Variants in TSPAN12 observed in about 807,000 individuals in gnomAD.
TSPAN12 encodes tetraspanin 12.
Under a neutral mutation model 39.2 loss-of-function variants are expected in TSPAN12, and 19 were observed. The observed-to-expected ratio is 0.49, with a 90% confidence interval of 0.34 to 0.71. TSPAN12 has a LOEUF of 0.71. Among genes scored for constraint, TSPAN12 ranks in the 30% least tolerant of loss-of-function variants. The pLI, the probability that TSPAN12 is intolerant of heterozygous loss-of-function variation, is 0.01. For synonymous variants in TSPAN12, 119 were observed against 124.8 expected, an observed-to-expected ratio of 0.95 and a Z score of 0.31; for missense variants, 314 against 359.9, an observed-to-expected ratio of 0.87 and a Z score of 1.03.
intron 4 of TSPAN12, among the ~76,000 whole-genome samples, chr7:120,836,515 T>C (rs771991047): frequency 6.6e-6 from 1 of 152,200 alleles, no homozygotes; most frequent in East Asian, 1.9e-4. Flanking sequence ...AATCAATCTA[T>C]GCTCATCATC....
chr7:120,811,760 A>G (rs1294579516), intron 5 of TSPAN12, among the ~76,000 whole-genome samples: 1 of 152,164 alleles, frequency 6.6e-6, no homozygotes, highest in Non-Finnish European at 1.5e-5. Flanking sequence ...AGCAACCTGG[A>G]TGGAATTGCA....
chr7:120,833,614 A>G (rs188427614), intron 4 of TSPAN12, among the ~76,000 whole-genome samples: 10 of 152,290 alleles, frequency 6.6e-5, no homozygotes, highest in Non-Finnish European at 1.2e-4. Flanking sequence ...AAAATGATTC[A>G]TTTGTATTAA....
At chr7:120,832,867 C>A (rs1333438394) in intron 4 of TSPAN12, among the ~76,000 whole-genome samples, 2 of 151,942 alleles carry the variant, frequency 1.3e-5, no homozygotes, top group African/African-American at 4.8e-5. Flanking sequence ...ATAAGCATAC[C>A]AAAAGACCAT....
intron 7 of TSPAN12, among the ~76,000 whole-genome samples, chr7:120,805,387 G>C (rs1189538252): frequency 6.6e-6 from 1 of 152,148 alleles, no homozygotes; most frequent in South Asian, 2.1e-4. Context: ...TTGAATGGTA[G>C]TATTCTTAGG....
intron 2 of TSPAN12, among the ~76,000 whole-genome samples, chr7:120,853,825 G>A (rs950075525): frequency 1.5e-4 from 22 of 147,896 alleles, no homozygotes; most frequent in Non-Finnish European, 3.1e-4. Flanking sequence ...AGTGAGCTGA[G>A]ATTGCGCCAC....
chr7:120,830,149 T>TG lies in TSPAN12; in HGVS notation c.285+8627dup, dbSNP rs536968675. On this transcript the variant is annotated intron_variant, in intron 4 of 7. Transcript: ENST00000222747. The stretch of plus-strand genomic sequence containing the variant: ...AAATACTGATGAAAGAAATTGAAGA[T>TG]GACACAAACAAATAGAAAGATATCC... Among the ~76,000 whole-genome samples the TG allele has an allele frequency of 1.5e-3, 223 of 152,116 alleles. 13 individuals are homozygous for TG. In the South Asian group the frequency reaches 0.045, roughly 31 times the overall value.
In TSPAN12 at chr7:120,808,235, C is replaced by G. The variant is rs559974800; in HGVS notation, c.469-1543G>C. 1.2e-4 allele frequency among the ~76,000 whole-genome samples: 19 copies of G among 152,240 alleles called. No individual in the cohort carries two copies. The South Asian group carries it at 3.9e-3, about 32-fold the overall frequency. On this transcript the variant is annotated intron_variant, in intron 6 of 7. Transcript: ENST00000222747. The stretch of plus-strand genomic sequence containing the variant: ...AGATATTCTACATAAATGACTTTCT[C>G]AAATATAAGTATATAATGTTCTTTC...
intron 3 of TSPAN12, among the ~76,000 whole-genome samples, chr7:120,839,405 G>A (rs1371837768): frequency 6.6e-6 from 1 of 152,132 alleles, no homozygotes; most frequent in Non-Finnish European, 1.5e-5. Flanking sequence ...GGAATAGGTA[G>A]AAATGATTTT....
intron 4 of TSPAN12, among the ~76,000 whole-genome samples, chr7:120,822,940 T>C (rs1388979019): frequency 6.6e-6 from 1 of 152,168 alleles, no homozygotes; most frequent in Non-Finnish European, 1.5e-5. Context: ...AGTGGACTTC[T>C]AAAGGACAGC....
At chr7:120,828,023 T>A (rs545090789) in intron 4 of TSPAN12, among the ~76,000 whole-genome samples, 1 of 152,188 alleles carries the variant, frequency 6.6e-6, no homozygotes, top group Non-Finnish European at 1.5e-5. Context: ...ACATCTAGAT[T>A]AATAGAATTT....
chr7:120,839,715 T>C (rs979175414), intron 3 of TSPAN12, among the ~76,000 whole-genome samples: 7 of 152,168 alleles, frequency 4.6e-5, no homozygotes, highest in Non-Finnish European at 1.0e-4. Context: ...GGTAATTTTC[T>C]TAGGGAAAAG....
rs375573839 is a variant in TSPAN12 at position 120,853,830 on chromosome 7, C to T, written c.66+2868G>A. On this transcript the variant is annotated intron_variant, in intron 2 of 7. Coordinates refer to ENST00000222747, the MANE Select transcript of TSPAN12 (RefSeq NM_012338.4). ...TGGAGGTTGCAGTGAGCTGAGATTG[C>T]GCCACTGGACTGCAGCCTGGTGACA... Among the ~76,000 whole-genome samples the T allele has an allele frequency of 5.4e-5, 8 of 147,514 alleles. No homozygotes were observed. In the East Asian group the frequency reaches 8.0e-4, roughly 15 times the overall value.
chr7:120,853,894 G>GAA (rs1340030439), intron 2 of TSPAN12, among the ~76,000 whole-genome samples: 7 of 146,500 alleles, frequency 4.8e-5, no homozygotes, highest in African/African-American at 1.7e-4. Flanking sequence ...AAAAAGAAAA[G>GAA]AAAAGAAAGT....
chr7:120,846,480 T>G (rs894340100), intron 2 of TSPAN12, among the ~76,000 whole-genome samples: 1 of 152,112 alleles, frequency 6.6e-6, no homozygotes, highest in Non-Finnish European at 1.5e-5. Context: ...TCATTATCAG[T>G]TTAGTTACTA....
rs193048722 is a variant in TSPAN12, at chr7:120,852,681, T to C, written c.66+4017A>G. 1.4e-3 allele frequency among the ~76,000 whole-genome samples: 220 copies of C among 152,342 alleles called. 1 individual carries two copies. Among genetic ancestry groups the C allele is most frequent in the African/African-American group, 5.0e-3 (207 of 41,578 alleles). On this transcript the variant is annotated intron_variant, in intron 2 of 7. Coordinates refer to ENST00000222747, the MANE Select transcript of TSPAN12 (RefSeq NM_012338.4). ...AATGAGCAGGTGGACAGCTAATCCC[T>C]TCCTTCTGAGGATGTTTACTTGACT...
chr7:120,797,562 C>T (rs1050245593), intron 7 of TSPAN12, among the ~76,000 whole-genome samples: 18 of 152,198 alleles, frequency 1.2e-4, no homozygotes, highest in African/African-American at 3.6e-4. Context: ...GCCTCCGAAG[C>T]TCATATTGCC....
chr7:120,839,002 T>C (rs1386948138), intron 3 of TSPAN12, 90 bp from the exon 4 acceptor site: 21 of 1,362,132 alleles, frequency 1.5e-5, no homozygotes, highest in Non-Finnish European at 2.1e-5. Flanking sequence ...TTTGTGTTAA[T>C]AATTCTTTCA....
chr7:120,826,532 C>T (rs1016056611), intron 4 of TSPAN12, among the ~76,000 whole-genome samples: 19 of 152,044 alleles, frequency 1.2e-4, no homozygotes, highest in Non-Finnish European at 2.6e-4. Context: ...ACAGGGGTCC[C>T]CATTACCAAA....
chr7:120,799,570 T>TATATAATTAAATATAATTATA (rs1317423580), intron 7 of TSPAN12, among the ~76,000 whole-genome samples: 27 of 107,858 alleles, frequency 2.5e-4, no homozygotes, highest in African/African-American at 8.8e-4. Context: ...ATATAATTAT[T>TATATAATTAAATATAATTATA]TATATAATTA....
Sources: gnomAD v4.1 joint callset for allele counts (sites outside exome capture counted in the v4.1 genomes callset) on GRCh38, gnomAD v4.1.1 for gene constraint, MANE v1.5 for transcripts, NCBI Gene and HGNC (gene_info 2026-07-23, HGNC 2026-07-21) for gene names.